RABGAP1L: variants seen among roughly 807,000 people sequenced by gnomAD.
The protein encoded by RABGAP1L is rab GTPase-activating protein 1-like.
A neutral mutation model predicts 137.7 loss-of-function variants in RABGAP1L; 63 were observed. The observed-to-expected ratio is 0.46, with a 90% CI of 0.37 to 0.56. RABGAP1L has a LOEUF of 0.56. Among genes scored for constraint, RABGAP1L ranks in the 20% least tolerant of loss-of-function variants. The pLI is 0.00. For missense variants in RABGAP1L, 1,095 were observed against 1,244.0 expected, an observed-to-expected ratio of 0.88 and a Z score of 1.80; for synonymous variants, 431 against 433.7, an observed-to-expected ratio of 0.99 and a Z score of 0.08.
chr1:174,608,162 A>G (rs1229595963), intron 13 of RABGAP1L, among the ~76,000 whole-genome samples: 1 of 152,200 alleles, frequency 6.6e-6, no homozygotes, highest in African/African-American at 2.4e-5. Flanking sequence ...TATGTGCCTA[A>G]GTGTGAGGCA....
At chr1:174,196,349 G>A (rs1424758873) in intron 1 of RABGAP1L, among the ~76,000 whole-genome samples, 6 of 150,534 alleles carry the variant, frequency 4.0e-5, no homozygotes, top group East Asian at 2.0e-4. Flanking sequence ...TCAGCCTTCC[G>A]AGCAGCTGGG....
chr1:174,409,860 C>T (rs549784803), intron 13 of RABGAP1L, among the ~76,000 whole-genome samples: 5 of 152,294 alleles, frequency 3.3e-5, no homozygotes, highest in Admixed American at 2.6e-4. Flanking sequence ...CTCTCGAACC[C>T]TGTTTTCTGT....
chr1:174,991,479 C>T lies in RABGAP1L; in HGVS notation c.*1478C>T, dbSNP rs1204076446. On this transcript the variant is annotated 3_prime_UTR_variant, in exon 26 of 26. Coordinates refer to ENST00000681986, the MANE Select transcript of RABGAP1L (RefSeq NM_001366446.1). Reference sequence around the variant, plus strand: ...AGAAGAATCAAATAAGAGCCATCTACATCCCAGGAGGATGCACCAAGTTGC... The same window carrying T: ...AGAAGAATCAAATAAGAGCCATCTATATCCCAGGAGGATGCACCAAGTTGC... 6.6e-6 allele frequency: 1 copy of T among 152,204 alleles called. No homozygotes were observed. Among genetic ancestry groups the T allele is most frequent in the East Asian group, 1.9e-4 (1 of 5,204 alleles). The allele number at this position is 152,204 out of a possible 1,614,324, so 9.4% of individuals were successfully genotyped here.
At chr1:174,454,805 G>A (rs1655862500) in intron 13 of RABGAP1L, among the ~76,000 whole-genome samples, 1 of 151,916 alleles carries the variant, frequency 6.6e-6, no homozygotes, top group Admixed American at 6.6e-5. Context: ...ACCCGCCTCA[G>A]CCCTCCAAAG....
intron 19 of RABGAP1L, chr1:174,935,553 T>C (rs971125180): frequency 2.6e-5 from 4 of 152,206 alleles, no homozygotes; most frequent in African/African-American, 9.6e-5. Flanking sequence ...AATTATAACA[T>C]AGTAGACTTT....
chr1:174,347,940 C>A (rs571341091), intron 11 of RABGAP1L, among the ~76,000 whole-genome samples: 19 of 152,088 alleles, frequency 1.2e-4, no homozygotes, highest in African/African-American at 3.9e-4. Flanking sequence ...ATCATTGGGT[C>A]TTATTTTTTA....
chr1:174,777,552 T>G (rs1686622418), intron 18 of RABGAP1L, among the ~76,000 whole-genome samples: 1 of 152,208 alleles, frequency 6.6e-6, no homozygotes, highest in African/African-American at 2.4e-5. Context: ...ATCTGCATGA[T>G]CAAAGCAGAT....
intron 13 of RABGAP1L, among the ~76,000 whole-genome samples, chr1:174,529,378 A>G (rs1320051350): frequency 1.3e-5 from 2 of 152,170 alleles, no homozygotes; most frequent in African/African-American, 2.4e-5. Flanking sequence ...GGCTAGTAGT[A>G]TAATCTTTGC....
chr1:174,367,625 A>G, intron 11 of RABGAP1L: 1 of 270,726 alleles, frequency 3.7e-6, no homozygotes, highest in Non-Finnish European at 7.2e-6. Flanking sequence ...ATTTTGTTTC[A>G]GAAGGCTTGC....
In RABGAP1L at chr1:174,978,794, C is replaced by T. The variant is rs1197858164; in HGVS notation, c.2650-13C>T. The T allele has an allele frequency of 2.0e-6, 3 of 1,521,598 alleles. No homozygotes were observed. Among genetic ancestry groups the T allele is most frequent in the South Asian group, 2.6e-5 (2 of 78,350 alleles). The allele number at this position is 1,521,598 out of a possible 1,614,324, so 94.3% of individuals were successfully genotyped here. The stretch of plus-strand genomic sequence containing the variant: ...TGGCTAAATCCTGATATTTCTCATT[C>T]TATTCTTTCTAGCTAAAAGAAGTCT... On this transcript the variant is annotated splice_polypyrimidine_tract_variant and intron_variant, in intron 22 of 25. Transcript: ENST00000681986.
intron 13 of RABGAP1L, among the ~76,000 whole-genome samples, chr1:174,623,188 A>G (rs1345516972): frequency 6.6e-6 from 1 of 152,208 alleles, no homozygotes; most frequent in African/African-American, 2.4e-5. Context: ...TTTATTATGA[A>G]TAATATTTTG....
chr1:174,395,552 TA>T (rs1647733861), intron 13 of RABGAP1L, among the ~76,000 whole-genome samples: 2 of 152,308 alleles, frequency 1.3e-5, no homozygotes, highest in South Asian at 4.1e-4. Flanking sequence ...TGCATCACTA[TA>T]AAAAACTCTT....
At chr1:174,499,756 A>G (rs930319469) in intron 13 of RABGAP1L, among the ~76,000 whole-genome samples, 3 of 152,236 alleles carry the variant, frequency 2.0e-5, no homozygotes, top group Non-Finnish European at 4.4e-5. Context: ...AATTGTAGCA[A>G]TGACAACAGT....
intron 19 of RABGAP1L, among the ~76,000 whole-genome samples, chr1:174,879,980 C>G (rs1037095611): frequency 6.6e-6 from 1 of 151,148 alleles, no homozygotes; most frequent in Admixed American, 6.6e-5. Flanking sequence ...ATAATCTCAG[C>G]TACTCAGGAG....
chr1:174,989,660 A>G (rs1024969470), intron 25 of RABGAP1L, among the ~76,000 whole-genome samples, 189 bp from the exon 26 acceptor site: 3 of 152,206 alleles, frequency 2.0e-5, no homozygotes, highest in Non-Finnish European at 2.9e-5. Flanking sequence ...CAGATTCTAG[A>G]TTTTTGATAA....
Position 174,305,124 on chromosome 1 carries a change from G to A in RABGAP1L, c.1462G>A (p.Glu488Lys). ...PMSPQDDEAE[E>K]ESDNELSSGT... is the part of the protein sequence containing the mutation. ...GTCACCCCAGGATGATGAAGCAGAA[G>A]AGGGTAAGAAGTTGGACTTACTCAG... is the stretch of plus-strand genomic sequence containing the variant. Residue 488 changes from glutamate to lysine, a missense_variant, in exon 11 of 26, where the codon GAG (glutamate) becomes AAG (lysine). Transcript: ENST00000681986. The A allele has an allele frequency of 6.5e-7, 1 of 1,530,434 alleles. No homozygotes were observed. The highest frequency in any genetic ancestry group is 8.7e-7 in the Non-Finnish European group (1 of 1,149,952). The allele number at this position is 1,530,434 out of a possible 1,614,324, so 94.8% of individuals were successfully genotyped here.
intron 19 of RABGAP1L, among the ~76,000 whole-genome samples, chr1:174,878,187 A>G (rs908076094): frequency 2.0e-5 from 3 of 152,166 alleles, no homozygotes; most frequent in Admixed American, 6.6e-5. Flanking sequence ...TCATCATTAT[A>G]ATGGCTATTG....
intron 13 of RABGAP1L, among the ~76,000 whole-genome samples, chr1:174,612,423 A>G (rs967149003): frequency 6.6e-4 from 100 of 152,294 alleles, no homozygotes; most frequent in Non-Finnish European, 5.3e-4. Context: ...ATCATGGTGG[A>G]TAAGCTTTTT....
At chr1:174,334,155 T>A (rs1427808966) in intron 11 of RABGAP1L, among the ~76,000 whole-genome samples, 5 of 152,220 alleles carry the variant, frequency 3.3e-5, no homozygotes, top group African/African-American at 7.2e-5. Flanking sequence ...TTCTTTTCTG[T>A]TGTATGAAGG....
Sources: gnomAD v4.1 joint callset for allele counts (sites outside exome capture counted in the v4.1 genomes callset) on GRCh38, gnomAD v4.1.1 for gene constraint, MANE v1.5 for transcripts, NCBI Gene and HGNC (gene_info 2026-07-23, HGNC 2026-07-21) for gene names.